The following DOCK9 variants were observed in gnomAD, a reference collection of about 807,000 sequenced individuals.
DOCK9 encodes dedicator of cytokinesis 9, also known as dedicator of cytokinesis protein 9.
In DOCK9, 89 loss-of-function variants were observed where a neutral mutation model predicts 263.3. The ratio of observed to expected loss-of-function variants is 0.34; its 90% CI spans 0.28 to 0.40. The LOEUF (loss-of-function observed/expected upper bound fraction) is 0.40. Among genes scored for constraint, DOCK9 ranks in the 10% least tolerant of loss-of-function variants. The pLI, the probability that DOCK9 is intolerant of heterozygous loss-of-function variation, is 1.00. For missense variants in DOCK9, 2,140 were observed against 2,603.4 expected (o/e 0.82, Z 3.87); for synonymous variants, 976 against 973.1 (o/e 1.00, Z -0.06).
At chr13:98,819,468 G>A (rs553018505) in intron 45 of DOCK9, among the ~76,000 whole-genome samples, 2 of 152,360 alleles carry the variant, frequency 1.3e-5, no homozygotes, top group Admixed American at 6.5e-5. Context: ...AGCAGTAGGA[G>A]TGTAGTGTGC....
chr13:99,000,054 G>C (rs1295206248), intron 1 of DOCK9, among the ~76,000 whole-genome samples: 2 of 152,140 alleles, frequency 1.3e-5, no homozygotes, highest in African/African-American at 4.8e-5. Context: ...AATGTTTAGG[G>C]CTCTGCCTGC....
At chr13:98,847,827 AC>A (rs2093434939) in intron 37 of DOCK9, 1 of 152,228 alleles carries the variant, frequency 6.6e-6, no homozygotes, top group Non-Finnish European at 1.5e-5. Context: ...ATACAATAAC[AC>A]AGAATGGCTC....
chr13:98,951,523 C>G (rs538440296), intron 2 of DOCK9, among the ~76,000 whole-genome samples: 4 of 152,226 alleles, frequency 2.6e-5, no homozygotes, highest in Non-Finnish European at 5.9e-5. Flanking sequence ...GACCACAGCA[C>G]GGGGCGGGAT....
intron 4 of DOCK9, 99 bp downstream of exon 4, chr13:98,925,738 T>C (rs980669226): frequency 1.7e-5 from 13 of 751,798 alleles, no homozygotes; most frequent in Non-Finnish European, 2.7e-5. Context: ...CTAAAAATAT[T>C]TTCCTCAATT....
At chr13:99,071,638 T>C (rs1289900858) in intron 1 of DOCK9, among the ~76,000 whole-genome samples, 1 of 151,842 alleles carries the variant, frequency 6.6e-6, no homozygotes, top group Non-Finnish European at 1.5e-5. Context: ...AGGTGGAGGG[T>C]GTGGGACAGG....
intron 2 of DOCK9, among the ~76,000 whole-genome samples, chr13:98,944,658 C>A (rs1326271781): frequency 1.3e-5 from 2 of 152,196 alleles, no homozygotes; most frequent in African/African-American, 4.8e-5. Flanking sequence ...CCCACACACC[C>A]TCCCCTGCCT....
At chr13:99,054,759 T>TCAAGCACTATCA (rs1184638488) in intron 1 of DOCK9, among the ~76,000 whole-genome samples, 55 of 152,278 alleles carry the variant, frequency 3.6e-4, no homozygotes, top group Non-Finnish European at 4.7e-4. Flanking sequence ...CACCAGCAAA[T>TCAAGCACTATCA]CAAGCACTAT....
intron 2 of DOCK9, among the ~76,000 whole-genome samples, chr13:98,955,121 G>A (rs551629110): frequency 2.6e-5 from 4 of 152,134 alleles, no homozygotes; most frequent in Admixed American, 1.3e-4. Context: ...AGTTTGGGAC[G>A]ACCCTGGCCA....
At chr13:98,847,695 T>C (rs985683003) in intron 37 of DOCK9, 1 of 152,202 alleles carries the variant, frequency 6.6e-6, no homozygotes, top group Non-Finnish European at 1.5e-5. Context: ...ATTGTCGATA[T>C]ATAGAGAAAC....
At position 99,017,102 on chromosome 13, in the gene DOCK9, G is replaced by A. The variant is rs531847817; in HGVS notation, c.130-61551C>T. Among the ~76,000 whole-genome samples, 149 of 152,304 alleles carry A rather than the reference G, an allele frequency of 9.8e-4. 2 individuals carry two copies. The highest frequency in any genetic ancestry group is 3.4e-3 in the African/African-American group (142 of 41,566). On this transcript the variant is annotated intron_variant, in intron 1 of 32. Transcript: ENST00000427887. ...TGTACAAGATCAAAGATGGGGAGAT[G>A]TTGGCCACATGCAAAAAACAGGATG...
intron 2 of DOCK9, among the ~76,000 whole-genome samples, chr13:98,938,149 C>A (rs1160226790): frequency 1.3e-5 from 2 of 152,236 alleles, no homozygotes; most frequent in African/African-American, 4.8e-5. Flanking sequence ...GCAGCCAATA[C>A]GTTACCCTGA....
intron 2 of DOCK9, among the ~76,000 whole-genome samples, chr13:98,950,827 C>T (rs2057324575): frequency 1.3e-5 from 2 of 152,150 alleles, no homozygotes; most frequent in Admixed American, 1.3e-4. Flanking sequence ...GATGAAGATG[C>T]CGTCGGTTAA....
chr13:98,924,261 G>C (rs2052560074), intron 4 of DOCK9, among the ~76,000 whole-genome samples: 1 of 152,170 alleles, frequency 6.6e-6, no homozygotes, highest in Admixed American at 6.5e-5. Flanking sequence ...GAGGCAATCG[G>C]GGAATTGGCC....
At chr13:99,057,193 T>G (rs1466348435) in intron 1 of DOCK9, among the ~76,000 whole-genome samples, 2 of 152,182 alleles carry the variant, frequency 1.3e-5, no homozygotes, top group African/African-American at 4.8e-5. Flanking sequence ...CCTTACAACA[T>G]ATATCCCTTT....
intron 1 of DOCK9, among the ~76,000 whole-genome samples, chr13:98,965,579 T>C (rs1490652562): frequency 1.3e-5 from 2 of 152,188 alleles, no homozygotes; most frequent in Non-Finnish European, 2.9e-5. Context: ...TCCTGAGCCC[T>C]GGCCCAGGAT....
chr13:98,800,055 A>G (rs1255423723), intron 50 of DOCK9, among the ~76,000 whole-genome samples: 1 of 152,154 alleles, frequency 6.6e-6, no homozygotes, highest in Non-Finnish European at 1.5e-5. Context: ...AGGGTAGTGT[A>G]TGAGATCTGG....
At chr13:98,868,748 A>C (rs1370334713) in intron 27 of DOCK9, among the ~76,000 whole-genome samples, 1 of 152,198 alleles carries the variant, frequency 6.6e-6, no homozygotes, top group East Asian at 1.9e-4. Context: ...AGCAAGGCCC[A>C]GTCTCAAAAA....
At chr13:98,900,070 T>C (rs1481384244) in intron 13 of DOCK9, among the ~76,000 whole-genome samples, 1 of 152,224 alleles carries the variant, frequency 6.6e-6, no homozygotes, top group East Asian at 1.9e-4. Flanking sequence ...TAAAGTAAGA[T>C]AGTTGAGCCT....
chr13:98,888,287 TA>T lies in DOCK9; in HGVS notation c.1978-65del. On this transcript the variant is annotated intron_variant, in intron 17 of 52. Transcript: ENST00000682017. ...GAAAGTCAGACTATGTAAGTATTTA[TA>T]AAAGAACATGGGACGCTGAATCTAA... 3 of 1,602,668 alleles carry T rather than the reference TA, an allele frequency of 1.9e-6. No homozygotes were observed. In the East Asian group the frequency reaches 6.7e-5, roughly 36 times the overall value.
Sources: gnomAD v4.1 joint callset for allele counts (sites outside exome capture counted in the v4.1 genomes callset) on GRCh38, gnomAD v4.1.1 for gene constraint, MANE v1.5 for transcripts, NCBI Gene and HGNC (gene_info 2026-07-23, HGNC 2026-07-21) for gene names.